BCKDHB: variants seen among roughly 807,000 people sequenced by gnomAD.
The protein encoded by BCKDHB is branched chain keto acid dehydrogenase E1 subunit beta.
A neutral mutation model predicts 48.5 loss-of-function variants in BCKDHB; 41 were observed. The ratio of observed to expected loss-of-function variants is 0.85; its 90% CI spans 0.66 to 1.10. BCKDHB has a LOEUF of 1.10. BCKDHB is among the 50% of genes least tolerant of loss of function. The pLI, the probability that BCKDHB is intolerant of heterozygous loss-of-function variation, is 0.00. For missense variants in BCKDHB, 496 were observed against 494.2 expected (o/e 1.00, Z -0.03); for synonymous variants, 201 against 174.8 (o/e 1.15, Z -1.18).
intron 6 of BCKDHB, among the ~76,000 whole-genome samples, chr6:80,181,527 T>G (rs1407031763): frequency 6.6e-6 from 1 of 152,160 alleles, no homozygotes; most frequent in African/African-American, 2.4e-5. Flanking sequence ...TTGTCTAGGC[T>G]TCCTCATAGG....
At chr6:80,210,450 G>A (rs561144014) in intron 8 of BCKDHB, among the ~76,000 whole-genome samples, 1 of 152,258 alleles carries the variant, frequency 6.6e-6, no homozygotes, top group Non-Finnish European at 1.5e-5. Flanking sequence ...AATTGGAAGA[G>A]TGTGTAAGGG....
chr6:80,185,601 C>A (rs1046743734), intron 6 of BCKDHB, among the ~76,000 whole-genome samples: 2 of 152,110 alleles, frequency 1.3e-5, no homozygotes, highest in African/African-American at 2.4e-5. Flanking sequence ...ATTCTTTTGT[C>A]CTGTGGGCTG....
chr6:80,261,208 T>C (rs1777286649), intron 8 of BCKDHB, among the ~76,000 whole-genome samples: 1 of 152,204 alleles, frequency 6.6e-6, no homozygotes. Context: ...CCTCCTTTTC[T>C]TCCTTTTTCT....
At chr6:80,149,693 T>G (rs563429988) in intron 3 of BCKDHB, among the ~76,000 whole-genome samples, 1 of 150,458 alleles carries the variant, frequency 6.6e-6, no homozygotes, top group African/African-American at 2.5e-5. Flanking sequence ...ATGGATGAAA[T>G]TGGAAATCAT....
intron 8 of BCKDHB, among the ~76,000 whole-genome samples, chr6:80,263,253 C>G (rs916231468): frequency 1.3e-5 from 2 of 152,212 alleles, no homozygotes; most frequent in East Asian, 3.9e-4. Context: ...CTCTGTATTC[C>G]TACCTTCTCT....
intron 8 of BCKDHB, among the ~76,000 whole-genome samples, chr6:80,230,498 A>AC (rs1775881764): frequency 6.6e-6 from 1 of 152,190 alleles, no homozygotes; most frequent in Admixed American, 6.5e-5. Context: ...GACATATGGA[A>AC]CAGGGGGTTA....
At chr6:80,271,599 A>G (rs1777743185) in intron 8 of BCKDHB, among the ~76,000 whole-genome samples, 1 of 152,126 alleles carries the variant, frequency 6.6e-6, no homozygotes, top group Non-Finnish European at 1.5e-5. Context: ...GTTTTAGGGT[A>G]CCAGCATTTT....
At chr6:80,299,802 A>T (rs1410185985) in intron 9 of BCKDHB, among the ~76,000 whole-genome samples, 1 of 152,206 alleles carries the variant, frequency 6.6e-6, no homozygotes, top group Non-Finnish European at 1.5e-5. Context: ...TACACAATCA[A>T]TTTTACATAA....
intron 8 of BCKDHB, among the ~76,000 whole-genome samples, chr6:80,213,717 T>C (rs1383009225): frequency 6.6e-6 from 1 of 151,774 alleles, no homozygotes; most frequent in African/African-American, 2.4e-5. Flanking sequence ...AGAGAAAATA[T>C]CTTCATTTCT....
chr6:80,373,032 C>G, the BCKDHB span, among the ~76,000 whole-genome samples: 1 of 152,076 alleles, frequency 6.6e-6, no homozygotes, highest in African/African-American at 2.4e-5. Flanking sequence ...GGTACCAATT[C>G]TTCTTTGAAT....
chr6:80,334,319 T>C (rs1261067085), intron 9 of BCKDHB, among the ~76,000 whole-genome samples: 1 of 152,116 alleles, frequency 6.6e-6, no homozygotes, highest in Admixed American at 6.5e-5. Flanking sequence ...ATATAAATAA[T>C]AGGGCAATTT....
At chr6:80,107,093 A>G (rs1249052912) in intron 1 of BCKDHB, among the ~76,000 whole-genome samples, 2 of 151,694 alleles carry the variant, frequency 1.3e-5, no homozygotes, top group African/African-American at 4.8e-5. Context: ...CTCGAGACGC[A>G]GTCCCCCCTC....
the BCKDHB span, chr6:80,373,930 G>C: frequency 6.5e-6 from 3 of 459,268 alleles, no homozygotes; most frequent in Admixed American, 8.5e-5. Flanking sequence ...GGAAACAGCA[G>C]ATATTTGTTT....
chr6:80,322,395 C>T (rs533937557), intron 9 of BCKDHB, among the ~76,000 whole-genome samples: 18 of 151,984 alleles, frequency 1.2e-4, no homozygotes, highest in African/African-American at 3.4e-4. Context: ...CGCACCACTA[C>T]GCCTGGCTAA....
chr6:80,441,431 A>G, the BCKDHB span, among the ~76,000 whole-genome samples: 1 of 152,324 alleles, frequency 6.6e-6, no homozygotes, highest in Admixed American at 6.5e-5. Flanking sequence ...TAATATCACA[A>G]GAGAACCTGC....
chr6:80,413,101 C>T, the BCKDHB span, among the ~76,000 whole-genome samples: 9 of 152,030 alleles, frequency 5.9e-5, no homozygotes, highest in Non-Finnish European at 1.0e-4. Flanking sequence ...TTTTCTAACC[C>T]ATCTTCCTTC....
At chr6:80,126,602 C>A (rs1046098882) in intron 1 of BCKDHB, among the ~76,000 whole-genome samples, 1 of 151,362 alleles carries the variant, frequency 6.6e-6, no homozygotes, top group Non-Finnish European at 1.5e-5. Flanking sequence ...GCGTGTAGAT[C>A]AGGCACTAGG....
rs574194102 is a variant in BCKDHB, at chr6:80,108,308, GT to G, written c.196+1434del. Among the ~76,000 whole-genome samples the G allele has an allele frequency of 3.4e-3, 442 of 131,048 alleles. 2 individuals carry two copies. Among genetic ancestry groups the G allele is most frequent in the African/African-American group, 5.8e-3 (206 of 35,714 alleles). The allele number at this position is 131,048 out of a possible 152,430, so 86.0% of individuals were successfully genotyped here. On this transcript the variant is annotated intron_variant, in intron 1 of 9. Coordinates refer to ENST00000320393, the MANE Select transcript of BCKDHB (RefSeq NM_183050.4). ...GGTACCATAAAGGTTAATAGTAGGT[GT>G]TTTTTTTTTTTTTTCCACCACCAAG...
intron 9 of BCKDHB, among the ~76,000 whole-genome samples, chr6:80,285,472 G>A (rs1163803224): frequency 2.0e-5 from 3 of 151,984 alleles, no homozygotes; most frequent in African/African-American, 7.2e-5. Context: ...TGAGTCATGG[G>A]AGCAACAGTA....
Sources: allele counts gnomAD v4.1 joint callset (sites outside exome capture counted in the v4.1 genomes callset), GRCh38; gene constraint gnomAD v4.1.1; transcripts MANE v1.5; gene names NCBI Gene and HGNC (gene_info 2026-07-23, HGNC 2026-07-21).